MEIOSIN: variants seen among roughly 807,000 people sequenced by gnomAD.
MEIOSIN encodes the protein meiosis initiator.
In MEIOSIN, 18 loss-of-function variants were observed where a neutral mutation model predicts 23.4. The observed-to-expected ratio is 0.77, with a 90% confidence interval of 0.53 to 1.14. The LOEUF (loss-of-function observed/expected upper bound fraction) is 1.14. Among genes scored for constraint, MEIOSIN ranks in the 50% most tolerant of loss-of-function variants. MEIOSIN has a pLI of 0.00. For missense variants in MEIOSIN, 428 were observed against 242.9 expected (o/e 1.76, Z -5.07); for synonymous variants, 187 against 100.6 (o/e 1.86, Z -5.14).
At chr19:45,763,079 G>A (rs900288746) in intron 13 of MEIOSIN, among the ~76,000 whole-genome samples, 4 of 152,228 alleles carry the variant, frequency 2.6e-5, no homozygotes, top group East Asian at 1.9e-4. Context: ...CCCCCCCCAA[G>A]CCACAGTGGA....
At chr19:45,740,802 A>G (rs4802273) in intron 3 of MEIOSIN, among the ~76,000 whole-genome samples, 35,284 of 149,238 alleles carry the variant, frequency 0.24, 4,920 homozygotes, top group Admixed American at 0.37. Flanking sequence ...AATAACAATG[A>G]TAATAAAGTA....
In MEIOSIN at chr19:45,759,787, ATTTATTTTATTTTAT is replaced by A. The variant is rs141892717; in HGVS notation, c.1245+315_1245+329del. 1.1e-4 allele frequency among the ~76,000 whole-genome samples: 16 copies of A among 150,166 alleles called. No homozygotes were observed. The East Asian group carries it at 2.2e-3, about 21-fold the overall frequency. On this transcript the variant is annotated intron_variant, in intron 11 of 14. Transcript: ENST00000457052. ...AAAGAAAACTCACATCATTTTATTCATTTATTTTATTTTATTTTATTTTATTTTATTTAGACTGAG... is the reference window on the plus strand; with the variant it reads ...AAAGAAAACTCACATCATTTTATTCATTTATTTTATTTTATTTAGACTGAG...
chr19:45,754,760 A>G (rs1968786966), intron 7 of MEIOSIN, 36 bp downstream of exon 7: 1 of 701,280 alleles, frequency 1.4e-6, no homozygotes, highest in South Asian at 1.5e-5. Flanking sequence ...TTAGTCTTTC[A>G]GTAAGATGCC....
Position 45,764,313 on chromosome 19 carries a change from C to T in MEIOSIN, c.*195C>T, listed in dbSNP as rs1969015949. ...TTGCCTGGAGCACCAGAGTCACCCA[C>T]AGCTGCCTTGATTCTCCCCCAGGCT... On this transcript the variant is annotated 3_prime_UTR_variant, in exon 15 of 15. Transcript: ENST00000457052. The T allele has an allele frequency of 5.1e-6, 2 of 394,732 alleles. No individual in the cohort carries two copies. Among genetic ancestry groups the T allele is most frequent in the African/African-American group, 2.1e-5 (1 of 48,578 alleles). The allele number at this position is 394,732 out of a possible 1,614,324, so 24.5% of individuals were successfully genotyped here. A position where few individuals can be genotyped will look rare whatever the true frequency, so the allele number is the denominator to read the frequency against.
Position 45,758,809 on chromosome 19 carries a change from T to A in MEIOSIN, c.1013-69T>A. ...GTAGCATCAGGCACTATCTCCTCAATGCCAGCTGCTGTGCTAGGGCAGAGG... is the reference window on the plus strand; with the variant it reads ...GTAGCATCAGGCACTATCTCCTCAAAGCCAGCTGCTGTGCTAGGGCAGAGG... On this transcript the variant is annotated intron_variant, in intron 9 of 14. Transcript: ENST00000457052. The A allele has an allele frequency of 9.0e-6, 6 of 669,086 alleles. No individual in the cohort carries two copies. In the South Asian group the frequency reaches 9.2e-5, roughly 10 times the overall value. The allele number at this position is 669,086 out of a possible 1,614,324, so 41.4% of individuals were successfully genotyped here. A position where few individuals can be genotyped will look rare whatever the true frequency, so the allele number is the denominator to read the frequency against.
intron 8 of MEIOSIN, 134 bp downstream of exon 8, chr19:45,756,212 G>A (rs1968826736): frequency 1.6e-6 from 1 of 608,504 alleles, no homozygotes; most frequent in Non-Finnish European, 2.9e-6. Flanking sequence ...GCCCAGCTTT[G>A]TGTCTGCCAT....
In MEIOSIN at chr19:45,741,177, G is replaced by A. The variant is rs147584626; in HGVS notation, c.176+1447G>A. On this transcript the variant is annotated intron_variant, in intron 3 of 14. Transcript: ENST00000457052. ...AGTCTGGCCAACATGGTGAAACCCC[G>A]TCTCTACTAAAAATACAAAAATTGG... Among the ~76,000 whole-genome samples, 22 of 152,092 alleles carry A rather than the reference G, an allele frequency of 1.4e-4. No homozygotes were observed. In the East Asian group the frequency reaches 2.9e-3, roughly 20 times the overall value.
rs1427125240 is a variant in MEIOSIN, at chr19:45,758,918, G to C, written c.1053G>C (p.Trp351Cys). Residue 351 changes from tryptophan to cysteine, a missense_variant, in exon 10 of 15, where the codon TGG becomes TGC. Physicochemically the swap from Trp to Cys is radical, Grantham distance 215. Coordinates refer to ENST00000457052, the MANE Select transcript of MEIOSIN (RefSeq NM_001310124.2). ...LFLGPPQIDV[W>C]SGTGHPSEIL... is the part of the protein sequence containing the mutation. ...TGGGGCCTCCCCAGATTGATGTCTG[G>C]AGTGGAACAGGCCACCCAAGTGAGA... is the stretch of plus-strand genomic sequence containing the variant. 1 of 702,960 alleles carries C rather than the reference G, an allele frequency of 1.4e-6. No individual in the cohort carries two copies. The highest frequency in any genetic ancestry group is 2.6e-6 in the Non-Finnish European group (1 of 385,034). 43.5% of individuals were successfully genotyped at this position (702,960 alleles called of 1,614,324 possible).
intron 4 of MEIOSIN, among the ~76,000 whole-genome samples, chr19:45,746,833 A>G (rs1214094490): frequency 6.6e-6 from 1 of 152,054 alleles, no homozygotes; most frequent in Non-Finnish European, 1.5e-5. Flanking sequence ...AAGAAAAAAA[A>G]AAAAAAAGAT....
rs1264224968 is a variant in MEIOSIN, at chr19:45,764,124, C to G, written c.*6C>G. ...TGCCCCCGCACCTCCAGTGAGAGGG[C>G]GGCCCCTCGCCTCGCTCCCCTCACC... On this transcript the variant is annotated 3_prime_UTR_variant, in exon 15 of 15. Coordinates refer to ENST00000457052, the MANE Select transcript of MEIOSIN (RefSeq NM_001310124.2). 2.5e-6 allele frequency: 1 copy of G among 398,516 alleles called. No homozygotes were observed. The highest frequency in any genetic ancestry group is 1.3e-4 in the South Asian group (1 of 7,870). The allele number at this position is 398,516 out of a possible 1,614,324, so 24.7% of individuals were successfully genotyped here.
chr19:45,749,064 CT>C (rs1471545435), intron 4 of MEIOSIN, among the ~76,000 whole-genome samples: 1 of 141,374 alleles, frequency 7.1e-6, no homozygotes, highest in African/African-American at 2.7e-5. Flanking sequence ...CCGAGACTCC[CT>C]CTCAAAAAAA....
chr19:45,759,096 C>G, intron 10 of MEIOSIN, 63 bp downstream of exon 10: 1 of 696,768 alleles, frequency 1.4e-6, no homozygotes, highest in Non-Finnish European at 2.6e-6. Context: ...CCCAGGCCTG[C>G]GCTGGGCCAT....
At chr19:45,763,769 G>A (rs1300996469) in intron 14 of MEIOSIN, among the ~76,000 whole-genome samples, 1 of 152,174 alleles carries the variant, frequency 6.6e-6, no homozygotes, top group African/African-American at 2.4e-5. Flanking sequence ...GCTGCCACCT[G>A]CCCTGGCTCC....
intron 13 of MEIOSIN, among the ~76,000 whole-genome samples, 155 bp downstream of exon 13, chr19:45,762,338 C>G (rs553204383): frequency 1.1e-4 from 16 of 152,238 alleles, no homozygotes; most frequent in Non-Finnish European, 2.4e-4. Context: ...CAGAACTGAA[C>G]CCGGCCCCAT....
At chr19:45,751,544 G>GT (rs898575524) in intron 5 of MEIOSIN, among the ~76,000 whole-genome samples, 4 of 150,748 alleles carry the variant, frequency 2.7e-5, no homozygotes, top group East Asian at 2.0e-4. Context: ...TGTTTTTTGT[G>GT]TGTTTTTTGA....
chr19:45,763,478 A>G, intron 14 of MEIOSIN, 51 bp downstream of exon 14: 1 of 398,146 alleles, frequency 2.5e-6, no homozygotes. Flanking sequence ...GAGCCTCCCT[A>G]CCCCGGAACC....
intron 3 of MEIOSIN, among the ~76,000 whole-genome samples, chr19:45,742,076 A>G (rs1793419261): frequency 6.6e-6 from 1 of 152,044 alleles, no homozygotes. Context: ...AGATTTCACC[A>G]TGTTGATCAG....
intron 1 of MEIOSIN, among the ~76,000 whole-genome samples, chr19:45,734,214 C>G (rs920777925): frequency 1.3e-5 from 2 of 151,978 alleles, no homozygotes; most frequent in African/African-American, 4.8e-5. Flanking sequence ...AGTATGGGAG[C>G]TCCAGTTTTA....
At position 45,755,872 on chromosome 19, in the gene MEIOSIN, G is replaced by A. The variant is rs554664531; in HGVS notation, c.803-98G>A. 1.4e-4 allele frequency: 89 copies of A among 637,996 alleles called. 1 individual carries two copies. The South Asian group carries it at 1.5e-3, about 11-fold the overall frequency. 39.5% of individuals were successfully genotyped at this position (637,996 alleles called of 1,614,324 possible). A position where few individuals can be genotyped will look rare whatever the true frequency, so the allele number is the denominator to read the frequency against. ...TTGGGCTAGGATTGGGGAGTGAGAGGGTGTGTGGCAGAAGCTGGCACCCCT... is the reference window on the plus strand; with the variant it reads ...TTGGGCTAGGATTGGGGAGTGAGAGAGTGTGTGGCAGAAGCTGGCACCCCT... On this transcript the variant is annotated intron_variant, in intron 7 of 14. Coordinates refer to ENST00000457052, the MANE Select transcript of MEIOSIN (RefSeq NM_001310124.2).
Sources: gnomAD v4.1 joint callset for allele counts (sites outside exome capture counted in the v4.1 genomes callset) on GRCh38, gnomAD v4.1.1 for gene constraint, MANE v1.5 for transcripts, NCBI Gene and HGNC (gene_info 2026-07-23, HGNC 2026-07-21) for gene names.